The following SKIC3 variants were observed in gnomAD, a reference collection of about 807,000 sequenced individuals.
SKIC3 encodes the protein superkiller complex protein 3.
At chr5:95,518,995 A>T in the SKIC3 span, among the ~76,000 whole-genome samples, 1 of 151,914 alleles carries the variant, frequency 6.6e-6, no homozygotes, top group Non-Finnish European at 1.5e-5. Flanking sequence ...AATAACAGAC[A>T]TCCTAACTGG....
the SKIC3 span, among the ~76,000 whole-genome samples, chr5:95,524,160 G>A: frequency 6.6e-6 from 1 of 152,088 alleles, no homozygotes; most frequent in African/African-American, 2.4e-5. Context: ...TAAAAAAACA[G>A]GAATTTAAAC....
the SKIC3 span, among the ~76,000 whole-genome samples, chr5:95,505,393 T>C: frequency 2.0e-5 from 3 of 152,348 alleles, no homozygotes; most frequent in Non-Finnish European, 1.5e-5. Flanking sequence ...TACATACATA[T>C]ATATTAAAAG....
the SKIC3 span, chr5:95,512,371 C>A: frequency 7.4e-7 from 1 of 1,360,370 alleles, no homozygotes; most frequent in Non-Finnish European, 1.0e-6. Context: ...AAATTCATGT[C>A]TTAAAGAATA....
chr5:95,488,241 T>C, the SKIC3 span, among the ~76,000 whole-genome samples: 1 of 152,200 alleles, frequency 6.6e-6, no homozygotes, highest in Non-Finnish European at 1.5e-5. Flanking sequence ...AACATAATTA[T>C]TTTGTTTAAA....
the SKIC3 span, chr5:95,522,383 T>A: frequency 6.6e-7 from 1 of 1,517,738 alleles, no homozygotes; most frequent in Non-Finnish European, 8.9e-7. Flanking sequence ...ATAAAATAAA[T>A]AATTCAAGTA....
chr5:95,506,112 C>G, the SKIC3 span, among the ~76,000 whole-genome samples: 4 of 152,122 alleles, frequency 2.6e-5, no homozygotes, highest in African/African-American at 9.7e-5. Flanking sequence ...ACTGACAGCT[C>G]TATCAACTTT....
At chr5:95,466,737 T>C in the SKIC3 span, among the ~76,000 whole-genome samples, 1 of 152,180 alleles carries the variant, frequency 6.6e-6, no homozygotes, top group African/African-American at 2.4e-5. Context: ...TAAATACAGT[T>C]AAAACCTTCA....
the SKIC3 span, among the ~76,000 whole-genome samples, chr5:95,478,058 T>C: frequency 6.6e-6 from 1 of 152,144 alleles, no homozygotes; most frequent in African/African-American, 2.4e-5. Flanking sequence ...TAATTCAACT[T>C]TTAAAACTGT....
chr5:95,509,731 G>T, the SKIC3 span: 3 of 1,256,562 alleles, frequency 2.4e-6, no homozygotes, highest in Non-Finnish European at 2.3e-6. Context: ...GCCTACTGAT[G>T]GTATTAACAA....
At chr5:95,544,459 A>C in the SKIC3 span, among the ~76,000 whole-genome samples, 1 of 152,142 alleles carries the variant, frequency 6.6e-6, no homozygotes, top group African/African-American at 2.4e-5. Context: ...AAAATGGCCA[A>C]TCTTCTCTTT....
At chr5:95,507,143 C>T in the SKIC3 span, 1 of 782,852 alleles carries the variant, frequency 1.3e-6, no homozygotes, top group East Asian at 2.7e-5. Context: ...ATAGCTTATT[C>T]ATATTTTATT....
chr5:95,488,851 T>C, the SKIC3 span, among the ~76,000 whole-genome samples: 2 of 150,412 alleles, frequency 1.3e-5, no homozygotes, highest in Admixed American at 6.6e-5. Flanking sequence ...AAATAAAGAA[T>C]ATACCAAAAA....
chr5:95,546,903 T>C, the SKIC3 span: 1 of 695,634 alleles, frequency 1.4e-6, no homozygotes, highest in East Asian at 2.7e-5. Context: ...TAGTTTATCC[T>C]GCTAACTAGA....
chr5:95,498,285 A>T, the SKIC3 span: 1 of 1,395,200 alleles, frequency 7.2e-7, no homozygotes, highest in Non-Finnish European at 1.0e-6. Flanking sequence ...TTCTTACCTT[A>T]TTTTATAGTA....
At chr5:95,478,946 TAAG>T in the SKIC3 span, among the ~76,000 whole-genome samples, 816 of 152,252 alleles carry the variant, frequency 5.4e-3, 13 homozygotes, top group East Asian at 0.082. Context: ...CTACCTGAGG[TAAG>T]AAGAAGACAA....
At chr5:95,490,897 T>C in the SKIC3 span, 2 of 1,614,000 alleles carry the variant, frequency 1.2e-6, no homozygotes, top group South Asian at 1.1e-5. Context: ...AAGATGCTTT[T>C]AAAAACTTAC....
At chr5:95,480,543 T>A in the SKIC3 span, among the ~76,000 whole-genome samples, 5 of 152,126 alleles carry the variant, frequency 3.3e-5, no homozygotes, top group South Asian at 1.0e-3. Context: ...GGGAAAAACA[T>A]GACAATCTAG....
chr5:95,509,213 A>C, the SKIC3 span, among the ~76,000 whole-genome samples: 1 of 152,210 alleles, frequency 6.6e-6, no homozygotes, highest in Non-Finnish European at 1.5e-5. Flanking sequence ...GATAACCGAT[A>C]AACAATGATA....
At chr5:95,488,448 A>G in the SKIC3 span, among the ~76,000 whole-genome samples, 54 of 152,314 alleles carry the variant, frequency 3.5e-4, no homozygotes, top group Non-Finnish European at 2.6e-4. Context: ...AGAGCATACT[A>G]CTTATAAATG....
Sources: gnomAD v4.1 joint callset for allele counts (sites outside exome capture counted in the v4.1 genomes callset) on GRCh38, gnomAD v4.1.1 for gene constraint, MANE v1.5 for transcripts, NCBI Gene and HGNC (gene_info 2026-07-23, HGNC 2026-07-21) for gene names.